Variants in KREMEN1 observed in about 807,000 individuals in gnomAD.
KREMEN1 encodes kringle containing transmembrane protein 1, also known as kremen protein 1.
In KREMEN1, 30 loss-of-function variants were observed where a neutral mutation model predicts 46.5. That is an observed-to-expected ratio of 0.65 (90% CI 0.48 to 0.88). KREMEN1 has a LOEUF of 0.88. Among genes scored for constraint, KREMEN1 ranks in the 40% least tolerant of loss-of-function variants. The pLI, the probability that KREMEN1 is intolerant of heterozygous loss-of-function variation, is 0.00. For missense variants in KREMEN1, 533 were observed against 596.9 expected, an observed-to-expected ratio of 0.89 and a Z score of 1.11; for synonymous variants, 214 against 230.6, an observed-to-expected ratio of 0.93 and a Z score of 0.65.
intron 9 of KREMEN1, among the ~76,000 whole-genome samples, chr22:29,153,709 G>A (rs2038936355): frequency 1.3e-5 from 2 of 152,034 alleles, no homozygotes; most frequent in African/African-American, 2.4e-5. Flanking sequence ...GGCTGGGCAT[G>A]GTGGCTCATG....
chr22:29,140,391 A>G (rs372051554), intron 8 of KREMEN1, 25 bp downstream of exon 8: 20 of 1,538,214 alleles, frequency 1.3e-5, no homozygotes, highest in Non-Finnish European at 1.8e-5. Flanking sequence ...GAGCTGCCCA[A>G]TTCCAGGAAA....
At chr22:29,111,548 A>C (rs1292716325) in intron 3 of KREMEN1, 1 of 147,414 alleles carries the variant, frequency 6.8e-6, no homozygotes, top group East Asian at 2.0e-4. Context: ...CGGGAGGCAG[A>C]GCTTGCAGTG....
downstream of KREMEN1, among the ~76,000 whole-genome samples, chr22:29,148,707 G>A (rs1315538518): frequency 1.3e-5 from 2 of 151,966 alleles, no homozygotes; most frequent in African/African-American, 2.4e-5. Context: ...CGCCCGCCTC[G>A]GCCTCCCAAA....
At chr22:29,150,328 G>T (rs552301479), downstream of KREMEN1, among the ~76,000 whole-genome samples, 1 of 152,308 alleles carries the variant, frequency 6.6e-6, no homozygotes, top group South Asian at 2.1e-4. Flanking sequence ...CCCGGTGGTG[G>T]TTGCTGGGCT....
intron 5 of KREMEN1, among the ~76,000 whole-genome samples, chr22:29,134,491 C>G (rs1467830341): frequency 6.6e-6 from 1 of 152,154 alleles, no homozygotes; most frequent in Admixed American, 6.5e-5. Flanking sequence ...ATCATGTAGT[C>G]TCTGTCTGAT....
chr22:29,097,909 C>T (rs953442111), intron 2 of KREMEN1, among the ~76,000 whole-genome samples: 10 of 152,010 alleles, frequency 6.6e-5, no homozygotes, highest in African/African-American at 1.9e-4. Context: ...AGGCTGGGCA[C>T]GGTGGCTCAC....
chr22:29,153,644 C>T (rs2038935648), intron 9 of KREMEN1, among the ~76,000 whole-genome samples: 1 of 152,108 alleles, frequency 6.6e-6, no homozygotes, highest in South Asian at 2.1e-4. Context: ...CAGGCACCAG[C>T]CACCATGCCT....
intron 1 of KREMEN1, among the ~76,000 whole-genome samples, chr22:29,076,942 T>G (rs1247854217): frequency 1.3e-5 from 2 of 152,236 alleles, no homozygotes; most frequent in Non-Finnish European, 2.9e-5. Context: ...TTAGGCTCAC[T>G]ACTCATAAAC....
intron 3 of KREMEN1, among the ~76,000 whole-genome samples, chr22:29,109,446 G>C (rs968520245): frequency 6.6e-6 from 1 of 152,180 alleles, no homozygotes; most frequent in Non-Finnish European, 1.5e-5. Flanking sequence ...TGAATTATGA[G>C]GTAGAGTGTT....
chr22:29,108,710 G>A (rs553587172), intron 3 of KREMEN1, among the ~76,000 whole-genome samples: 1 of 152,276 alleles, frequency 6.6e-6, no homozygotes, highest in African/African-American at 2.4e-5. Context: ...TGGGTCTTAG[G>A]AGCAGGCATC....
chr22:29,148,898 G>A (rs145943817), downstream of KREMEN1, among the ~76,000 whole-genome samples: 3 of 151,994 alleles, frequency 2.0e-5, no homozygotes, highest in Non-Finnish European at 4.4e-5. Context: ...AGAAAAGAGG[G>A]CACAGGCCAG....
intron 8 of KREMEN1, 66 bp downstream of exon 8, chr22:29,140,432 C>A: frequency 8.6e-7 from 1 of 1,161,366 alleles, no homozygotes; most frequent in Non-Finnish European, 1.3e-6. Context: ...TTCTATGATG[C>A]TTCATTTGTC....
At chr22:29,105,478 T>C (rs55810413) in intron 3 of KREMEN1, among the ~76,000 whole-genome samples, 228 of 146,990 alleles carry the variant, frequency 1.6e-3, no homozygotes, top group Middle Eastern at 0.01. Context: ...CACACACACA[T>C]ACACACACAC....
At chr22:29,163,883 ACG>A (rs2038503129) in intron 9 of KREMEN1, among the ~76,000 whole-genome samples, 1 of 151,996 alleles carries the variant, frequency 6.6e-6, no homozygotes, top group Non-Finnish European at 1.5e-5. Flanking sequence ...CAATACACCC[ACG>A]TAACAAACCT....
At chr22:29,075,642 C>T (rs187952744) in intron 1 of KREMEN1, among the ~76,000 whole-genome samples, 8 of 152,266 alleles carry the variant, frequency 5.3e-5, no homozygotes, top group African/African-American at 1.9e-4. Flanking sequence ...CCATGGTCTT[C>T]ACCAACACAT....
chr22:29,110,457 A>C (rs776696102), intron 3 of KREMEN1, among the ~76,000 whole-genome samples: 1 of 152,232 alleles, frequency 6.6e-6, no homozygotes, highest in African/African-American at 2.4e-5. Flanking sequence ...GGGAGAAATT[A>C]CTAGAGCCTC....
rs982459318 is a variant in KREMEN1, at chr22:29,144,814, C to G, written c.*2702C>G. Reference sequence around the variant, plus strand: ...TGCCCACCTTGCCCTCCTCACATCTCAGTCAGGGGAGGCCATGCCCAAGCC... The same window carrying G: ...TGCCCACCTTGCCCTCCTCACATCTGAGTCAGGGGAGGCCATGCCCAAGCC... On this transcript the variant is annotated 3_prime_UTR_variant, in exon 9 of 9. Transcript: ENST00000400335. 1.0e-5 allele frequency: 10 copies of G among 985,432 alleles called. No individual in the cohort carries two copies. The African/African-American group carries it at 1.7e-4, about 17-fold the overall frequency. The allele number at this position is 985,432 out of a possible 1,614,324, so 61.0% of individuals were successfully genotyped here. A position where few individuals can be genotyped will look rare whatever the true frequency, so the allele number is the denominator to read the frequency against.
chr22:29,120,358 A>AAACGGAGGAGGGAGAGGTGATGAT (rs2038323157), intron 3 of KREMEN1, among the ~76,000 whole-genome samples: 2 of 68,200 alleles, frequency 2.9e-5, no homozygotes, highest in Non-Finnish European at 6.8e-5. Flanking sequence ...GAGGTGATGA[A>AAACGGAGGAGGGAGAGGTGATGAT]GGAAATGGAG....
Position 29,143,822 on chromosome 22 carries a change from G to A in KREMEN1, c.*1710G>A. On this transcript the variant is annotated 3_prime_UTR_variant, in exon 9 of 9. Coordinates refer to ENST00000400335, the MANE Select transcript of KREMEN1 (RefSeq NM_001039570.3). ...ACCAAGTGGGGTTAGGAATGGCTCA[G>A]TGGGGAAGGAGAGCACTCTTGTCCC... The A allele has an allele frequency of 1.0e-6, 1 of 985,408 alleles. No homozygotes were observed. The highest frequency in any genetic ancestry group is 1.2e-6 in the Non-Finnish European group (1 of 830,060). 61.0% of individuals were successfully genotyped at this position (985,408 alleles called of 1,614,324 possible).
Sources: allele counts gnomAD v4.1 joint callset (sites outside exome capture counted in the v4.1 genomes callset), GRCh38; gene constraint gnomAD v4.1.1; transcripts MANE v1.5; gene names NCBI Gene and HGNC (gene_info 2026-07-23, HGNC 2026-07-21).